The following SPATS2 variants were observed in gnomAD, a reference collection of about 807,000 sequenced individuals.
The protein encoded by SPATS2 is spermatogenesis-associated serine-rich protein 2.
SPATS2 carries 38 observed loss-of-function variants against 63.7 expected under a neutral mutation model. The ratio of observed to expected loss-of-function variants is 0.60; its 90% CI spans 0.46 to 0.78. The LOEUF (loss-of-function observed/expected upper bound fraction) is 0.78, where lower values mean the gene tolerates loss of function less well. SPATS2 is among the 30% of genes least tolerant of loss of function. The pLI, the probability that SPATS2 is intolerant of heterozygous loss-of-function variation, is 0.00. For missense variants in SPATS2, 588 were observed against 666.2 expected (o/e 0.88, Z 1.29); for synonymous variants, 207 against 232.9 (o/e 0.89, Z 1.01).
chr12:49,384,813 A>ATT (rs537203549), intron 2 of SPATS2, among the ~76,000 whole-genome samples: 18 of 143,244 alleles, frequency 1.3e-4, no homozygotes, highest in South Asian at 2.2e-4. Context: ...AAAATCTTTC[A>ATT]TTTTTTTTTT....
At chr12:49,525,152 T>C (rs1947011506) in intron 13 of SPATS2, among the ~76,000 whole-genome samples, 1 of 152,230 alleles carries the variant, frequency 6.6e-6, no homozygotes, top group South Asian at 2.1e-4. Flanking sequence ...TAGATAGTAT[T>C]GCCTGGTAAT....
intron 6 of SPATS2, among the ~76,000 whole-genome samples, chr12:49,491,871 A>T (rs903561520): frequency 1.3e-5 from 2 of 152,206 alleles, no homozygotes; most frequent in African/African-American, 4.8e-5. Context: ...TGTAAAGGTA[A>T]CCCCTTTAGG....
intron 2 of SPATS2, among the ~76,000 whole-genome samples, chr12:49,421,468 T>C (rs992134622): frequency 1.4e-5 from 2 of 146,292 alleles, no homozygotes; most frequent in African/African-American, 2.5e-5. Flanking sequence ...CTACCACTTA[T>C]CTACAATTTA....
intron 2 of SPATS2, among the ~76,000 whole-genome samples, chr12:49,412,379 G>C (rs1413977334): frequency 6.6e-6 from 1 of 151,950 alleles, no homozygotes; most frequent in African/African-American, 2.4e-5. Context: ...GTTTTTGGTA[G>C]AGGCAGGGTT....
At chr12:49,483,535 A>T (rs1346449357) in intron 3 of SPATS2, among the ~76,000 whole-genome samples, 1 of 152,206 alleles carries the variant, frequency 6.6e-6, no homozygotes, top group East Asian at 1.9e-4. Flanking sequence ...AGCAGTCTAG[A>T]AATGGCCGGT....
At chr12:49,516,128 G>A (rs1245868439) in intron 10 of SPATS2, among the ~76,000 whole-genome samples, 2 of 73,876 alleles carry the variant, frequency 2.7e-5, no homozygotes, top group Non-Finnish European at 4.8e-5. Context: ...AACAGAGCAA[G>A]ACTCCATCTC....
intron 3 of SPATS2, among the ~76,000 whole-genome samples, chr12:49,483,853 T>TA: frequency 1.3e-5 from 2 of 152,326 alleles, no homozygotes; most frequent in East Asian, 3.9e-4. Flanking sequence ...CCCTAGGTGG[T>TA]AAGTATGCAC....
chr12:49,402,735 G>C (rs1248434740), intron 2 of SPATS2, among the ~76,000 whole-genome samples: 2 of 152,132 alleles, frequency 1.3e-5, no homozygotes, highest in African/African-American at 4.8e-5. Context: ...GAAGAAGGGG[G>C]TAGTGGTGGT....
intron 2 of SPATS2, among the ~76,000 whole-genome samples, chr12:49,435,376 G>A (rs1945258193): frequency 1.3e-5 from 2 of 149,578 alleles, no homozygotes; most frequent in Non-Finnish European, 3.0e-5. Context: ...CCGGGCCAGA[G>A]TGCCATGGTA....
chr12:49,410,493 A>G (rs1016188300), intron 2 of SPATS2, among the ~76,000 whole-genome samples: 1 of 152,166 alleles, frequency 6.6e-6, no homozygotes, highest in Non-Finnish European at 1.5e-5. Context: ...ATCCTTGCCC[A>G]CATCATACTT....
chr12:49,410,047 G>T (rs1009568762), intron 2 of SPATS2, among the ~76,000 whole-genome samples: 4 of 151,942 alleles, frequency 2.6e-5, no homozygotes, highest in African/African-American at 4.8e-5. Flanking sequence ...ATCAGGGCTG[G>T]AAGAAGTTTT....
chr12:49,503,621 C>A (rs1477522106), intron 9 of SPATS2, among the ~76,000 whole-genome samples: 1 of 151,176 alleles, frequency 6.6e-6, no homozygotes, highest in African/African-American at 2.5e-5. Context: ...TGCACTCCAT[C>A]CTGGGCGACA....
intron 4 of SPATS2, chr12:49,486,368 G>A: frequency 3.1e-6 from 1 of 321,536 alleles, no homozygotes; most frequent in Non-Finnish European, 6.2e-6. Context: ...ACCATGCCTG[G>A]CTAAGTTTTT....
chr12:49,502,630 A>G (rs922848077), intron 9 of SPATS2, among the ~76,000 whole-genome samples: 2 of 151,728 alleles, frequency 1.3e-5, no homozygotes, highest in African/African-American at 2.4e-5. Flanking sequence ...CTAATTTTTT[A>G]ATTTTTTGTA....
At chr12:49,468,346 G>C (rs980129882) in intron 3 of SPATS2, among the ~76,000 whole-genome samples, 8 of 151,944 alleles carry the variant, frequency 5.3e-5, no homozygotes, top group Admixed American at 3.3e-4. Context: ...TTTTAGTAGA[G>C]ACGGGGTTTC....
At chr12:49,408,306 G>T (rs997952775) in intron 2 of SPATS2, among the ~76,000 whole-genome samples, 28 of 148,682 alleles carry the variant, frequency 1.9e-4, no homozygotes, top group African/African-American at 7.0e-4. Context: ...AGGCTGAAGT[G>T]CAATGGCACA....
chr12:49,396,870 G>T (rs1199485692), intron 2 of SPATS2, among the ~76,000 whole-genome samples: 1 of 152,146 alleles, frequency 6.6e-6, no homozygotes, highest in Non-Finnish European at 1.5e-5. Context: ...TGTATCATTT[G>T]TCTTCAGCTC....
At chr12:49,518,260 G>A (rs978960319) in intron 10 of SPATS2, among the ~76,000 whole-genome samples, 6 of 152,188 alleles carry the variant, frequency 3.9e-5, no homozygotes, top group African/African-American at 1.4e-4. Flanking sequence ...AACATTCGTT[G>A]GGTGGTTTAT....
intron 5 of SPATS2, among the ~76,000 whole-genome samples, 179 bp from the exon 6 acceptor site, chr12:49,490,503 A>G (rs946968765): frequency 6.6e-6 from 1 of 152,202 alleles, no homozygotes; most frequent in African/African-American, 2.4e-5. Flanking sequence ...CAGGTATTCC[A>G]AAAGGGAAGC....
Sources: gnomAD v4.1 joint callset for allele counts (sites outside exome capture counted in the v4.1 genomes callset) on GRCh38, gnomAD v4.1.1 for gene constraint, MANE v1.5 for transcripts, NCBI Gene and HGNC (gene_info 2026-07-23, HGNC 2026-07-21) for gene names.